The following IMMP2L variants were observed in gnomAD, a reference collection of about 807,000 sequenced individuals.
The protein encoded by IMMP2L is mitochondrial inner membrane protease subunit 2.
In IMMP2L, 18 loss-of-function variants were observed where a neutral mutation model predicts 19.3. That is an observed-to-expected ratio of 0.93 (90% CI 0.64 to 1.38). The LOEUF (loss-of-function observed/expected upper bound fraction) is 1.38, where lower values mean the gene tolerates loss of function less well. IMMP2L is among the 40% of genes most tolerant of loss of function. The probability of loss-of-function intolerance (pLI) is 0.00; values close to 1 mark genes in which losing one functional copy is unlikely to be tolerated. For missense variants in IMMP2L, 233 were observed against 218.2 expected, an observed-to-expected ratio of 1.07 and a Z score of -0.43; for synonymous variants, 76 against 73.0, an observed-to-expected ratio of 1.04 and a Z score of -0.21.
intron 5 of IMMP2L, among the ~76,000 whole-genome samples, chr7:110,786,156 A>G (rs1800061008): frequency 1.3e-5 from 2 of 152,018 alleles, no homozygotes; most frequent in South Asian, 4.1e-4. Flanking sequence ...AGATAGAAAC[A>G]GCTTCATATA....
At chr7:111,109,519 G>A (rs528066746) in intron 3 of IMMP2L, among the ~76,000 whole-genome samples, 12 of 152,126 alleles carry the variant, frequency 7.9e-5, no homozygotes, top group Non-Finnish European at 1.5e-4. Flanking sequence ...ATATATCTGC[G>A]ACACAAAGCT....
chr7:110,881,569 A>G (rs1414850731), intron 5 of IMMP2L, among the ~76,000 whole-genome samples: 1 of 152,168 alleles, frequency 6.6e-6, no homozygotes, highest in Non-Finnish European at 1.5e-5. Context: ...TTTTTCAAAG[A>G]AAGTGTGAAG....
chr7:110,993,209 T>C (rs916922875), intron 3 of IMMP2L, among the ~76,000 whole-genome samples: 1 of 152,062 alleles, frequency 6.6e-6, no homozygotes, highest in Non-Finnish European at 1.5e-5. Flanking sequence ...GACAGACATA[T>C]GCTGTTTGAA....
intron 5 of IMMP2L, among the ~76,000 whole-genome samples, chr7:110,816,483 T>G (rs1216602599): frequency 6.6e-6 from 1 of 151,714 alleles, no homozygotes; most frequent in Non-Finnish European, 1.5e-5. Context: ...CTATTAGGTC[T>G]GCTTGGTGCA....
intron 3 of IMMP2L, among the ~76,000 whole-genome samples, chr7:111,254,665 C>T (rs934916068): frequency 3.3e-5 from 5 of 152,088 alleles, no homozygotes; most frequent in Non-Finnish European, 7.4e-5. Flanking sequence ...AGTTGTCCCT[C>T]TGTATACATG....
intron 3 of IMMP2L, among the ~76,000 whole-genome samples, chr7:111,166,065 GA>G (rs1021486013): frequency 2.6e-5 from 4 of 151,826 alleles, no homozygotes; most frequent in African/African-American, 9.7e-5. Flanking sequence ...AAAATGACAA[GA>G]AAAAAGTAGC....
chr7:111,144,635 G>A (rs931820765), intron 3 of IMMP2L, among the ~76,000 whole-genome samples: 3 of 151,908 alleles, frequency 2.0e-5, no homozygotes, highest in Non-Finnish European at 2.9e-5. Flanking sequence ...TTAAATCCAC[G>A]GGGGACAGAA....
chr7:110,771,139 G>T (rs562701555), intron 5 of IMMP2L, among the ~76,000 whole-genome samples: 2 of 152,100 alleles, frequency 1.3e-5, no homozygotes, highest in African/African-American at 4.8e-5. Context: ...TTCAAAGAAG[G>T]GGTTGCTGTT....
chr7:111,487,418 A>C, intron 2 of IMMP2L, 77 bp from the exon 3 acceptor site: 2 of 821,920 alleles, frequency 2.4e-6, no homozygotes, highest in South Asian at 2.9e-5. Flanking sequence ...TCACAGCTCG[A>C]GTGGACTGAA....
intron 3 of IMMP2L, among the ~76,000 whole-genome samples, chr7:111,086,559 C>A (rs1796362019): frequency 6.6e-6 from 1 of 152,138 alleles, no homozygotes; most frequent in Non-Finnish European, 1.5e-5. Flanking sequence ...GAACTCTGAC[C>A]CAACTTGCTT....
chr7:110,815,914 C>T (rs892445183), intron 5 of IMMP2L, among the ~76,000 whole-genome samples: 1 of 152,070 alleles, frequency 6.6e-6, no homozygotes, highest in African/African-American at 2.4e-5. Flanking sequence ...TTTCAAAAAA[C>T]CAGCTCCTGC....
At chr7:111,004,082 T>C (rs1033621577) in intron 3 of IMMP2L, among the ~76,000 whole-genome samples, 1 of 152,176 alleles carries the variant, frequency 6.6e-6, no homozygotes, top group Non-Finnish European at 1.5e-5. Context: ...CAGTGGAGAC[T>C]AGAGGCACAC....
intron 1 of IMMP2L, chr7:111,532,427 T>C (rs1847480931): frequency 6.6e-6 from 1 of 152,132 alleles, no homozygotes; most frequent in South Asian, 2.1e-4. Context: ...CCTATCCTGA[T>C]CCCTACTCTT....
intron 3 of IMMP2L, among the ~76,000 whole-genome samples, chr7:111,371,261 T>C (rs1036732712): frequency 6.6e-6 from 1 of 152,004 alleles, no homozygotes; most frequent in African/African-American, 2.4e-5. Context: ...CGTGGTGATG[T>C]CTTCTTCATG....
chr7:110,789,179 T>C (rs1395364889), intron 5 of IMMP2L, among the ~76,000 whole-genome samples: 1 of 151,832 alleles, frequency 6.6e-6, no homozygotes, highest in African/African-American at 2.4e-5. Context: ...CCCCAGGCTT[T>C]GGGTCTTCCC....
chr7:111,119,059 T>C (rs559789363), intron 3 of IMMP2L, among the ~76,000 whole-genome samples: 65 of 152,302 alleles, frequency 4.3e-4, no homozygotes, highest in African/African-American at 1.5e-3. Flanking sequence ...AAAGAATGCC[T>C]CATCTTTAAT....
At chr7:110,949,382 T>C (rs1817563489) in intron 4 of IMMP2L, among the ~76,000 whole-genome samples, 2 of 152,182 alleles carry the variant, frequency 1.3e-5, no homozygotes, top group African/African-American at 2.4e-5. Flanking sequence ...TCAACCAATA[T>C]ATAACTAACA....
intron 3 of IMMP2L, among the ~76,000 whole-genome samples, chr7:111,438,341 CA>C (rs1188484711): frequency 2.0e-5 from 3 of 151,678 alleles, no homozygotes; most frequent in African/African-American, 4.9e-5. Flanking sequence ...TATAGAACTA[CA>C]TTTTTTTATA....
At chr7:111,404,380 T>C (rs1441245774) in intron 3 of IMMP2L, among the ~76,000 whole-genome samples, 1 of 152,094 alleles carries the variant, frequency 6.6e-6, no homozygotes, top group Non-Finnish European at 1.5e-5. Flanking sequence ...CTAGAACACA[T>C]TATACATAAC....
Sources: allele counts gnomAD v4.1 joint callset (sites outside exome capture counted in the v4.1 genomes callset), GRCh38; gene constraint gnomAD v4.1.1; transcripts MANE v1.5; gene names NCBI Gene and HGNC (gene_info 2026-07-23, HGNC 2026-07-21).